Variants in CSMD3 observed in about 807,000 individuals in gnomAD.
CSMD3 encodes the protein CUB and Sushi multiple domains 3, also known as CUB and sushi domain-containing protein 3.
CSMD3 carries 177 observed loss-of-function variants against 435.2 expected under a neutral mutation model. That is an observed-to-expected ratio of 0.41 (90% CI 0.36 to 0.46). CSMD3 has a LOEUF of 0.46. CSMD3 is among the 20% of genes least tolerant of loss of function. The pLI is 0.34. For synonymous variants in CSMD3, 1,656 were observed against 1,520.5 expected (o/e 1.09, Z -2.07); for missense variants, 4,265 against 4,504.6 (o/e 0.95, Z 1.52).
chr8:112,224,947 T>A lies in CSMD3; in HGVS notation c.10965-17A>T, dbSNP rs771150306. On this transcript the variant is annotated splice_polypyrimidine_tract_variant and intron_variant, in intron 70 of 70. Coordinates refer to ENST00000297405, the MANE Select transcript of CSMD3 (RefSeq NM_198123.2). ...GGTGCAGTCCTGTTGATGAGAACATTGATTAGCTATGTGTTAACTTTCTTC... is the reference window on the plus strand; with the variant it reads ...GGTGCAGTCCTGTTGATGAGAACATAGATTAGCTATGTGTTAACTTTCTTC... 1 of 1,611,562 alleles carries A rather than the reference T, an allele frequency of 6.2e-7. No homozygotes were observed. Among genetic ancestry groups the A allele is most frequent in the Non-Finnish European group, 8.5e-7 (1 of 1,177,682 alleles).
intron 10 of CSMD3, among the ~76,000 whole-genome samples, chr8:112,882,804 A>G (rs1169033831): frequency 6.6e-6 from 1 of 152,030 alleles, no homozygotes; most frequent in Non-Finnish European, 1.5e-5. Context: ...GTTGAATGAC[A>G]CTTAAGAAAC....
intron 3 of CSMD3, among the ~76,000 whole-genome samples, chr8:113,228,155 G>A (rs990221894): frequency 2.6e-5 from 4 of 151,396 alleles, no homozygotes; most frequent in African/African-American, 9.7e-5. Context: ...TGGTCTTCAT[G>A]TTTTTAAATA....
chr8:113,149,204 T>C (rs1340985159), intron 4 of CSMD3, among the ~76,000 whole-genome samples: 1 of 151,868 alleles, frequency 6.6e-6, no homozygotes, highest in Non-Finnish European at 1.5e-5. Flanking sequence ...ATTCATATTA[T>C]ACAAACATCT....
intron 13 of CSMD3, among the ~76,000 whole-genome samples, chr8:112,767,236 C>T (rs1397527167): frequency 6.6e-6 from 1 of 151,692 alleles, no homozygotes. Flanking sequence ...GCCTCAGAAA[C>T]AATATTACAA....
rs549448482 is a variant in CSMD3 at position 113,108,284 on chromosome 8, G to A, written c.710-9321C>T. Among the ~76,000 whole-genome samples, 14 of 151,878 alleles carry A rather than the reference G, an allele frequency of 9.2e-5. No individual in the cohort carries two copies. The South Asian group carries it at 2.1e-3, about 23-fold the overall frequency. Reference sequence around the variant, plus strand: ...CTCTACTAAAAATATAAAAATTAGCGGGGCGTGGTGGCAGGTGCCTGTAGT... The same window carrying A: ...CTCTACTAAAAATATAAAAATTAGCAGGGCGTGGTGGCAGGTGCCTGTAGT... On this transcript the variant is annotated intron_variant, in intron 4 of 70. Transcript: ENST00000297405.
chr8:113,351,308 A>G (rs545444506), intron 1 of CSMD3, among the ~76,000 whole-genome samples: 1 of 152,306 alleles, frequency 6.6e-6, no homozygotes, highest in African/African-American at 2.4e-5. Flanking sequence ...AGTTCCTATA[A>G]AGGTAGACTA....
At chr8:113,139,309 T>A (rs2091491935) in intron 4 of CSMD3, among the ~76,000 whole-genome samples, 1 of 151,028 alleles carries the variant, frequency 6.6e-6, no homozygotes, top group African/African-American at 2.4e-5. Context: ...TTACCTTGAA[T>A]TTTTTAAATT....
At chr8:113,393,356 A>G (rs2094469759) in intron 1 of CSMD3, among the ~76,000 whole-genome samples, 1 of 152,144 alleles carries the variant, frequency 6.6e-6, no homozygotes, top group Non-Finnish European at 1.5e-5. Context: ...TGAATTCTGA[A>G]GATATAAAAG....
intron 1 of CSMD3, among the ~76,000 whole-genome samples, chr8:113,341,301 A>G (rs2094117164): frequency 6.6e-6 from 1 of 152,134 alleles, no homozygotes; most frequent in Non-Finnish European, 1.5e-5. Context: ...AGAGTACTAG[A>G]GCTTACTCCT....
intron 46 of CSMD3, among the ~76,000 whole-genome samples, chr8:112,319,657 C>T (rs1034909889): frequency 5.9e-5 from 9 of 152,192 alleles, no homozygotes; most frequent in Non-Finnish European, 1.3e-4. Context: ...ATACAGTTAA[C>T]GGCTTCAAAT....
At chr8:112,525,427 T>TGAGAATTCC in intron 27 of CSMD3, among the ~76,000 whole-genome samples, 1 of 150,252 alleles carries the variant, frequency 6.7e-6, no homozygotes, top group Non-Finnish European at 1.5e-5. Flanking sequence ...CAATTAAAAA[T>TGAGAATTCC]AACTATCAAA....
intron 27 of CSMD3, among the ~76,000 whole-genome samples, chr8:112,540,422 C>T (rs1414088309): frequency 1.3e-5 from 2 of 152,090 alleles, no homozygotes; most frequent in East Asian, 3.9e-4. Context: ...CCAGCATTAC[C>T]ATTGCCGGGT....
At chr8:112,335,252 A>G (rs2130945475) in intron 45 of CSMD3, 77 bp downstream of exon 45, 2 of 1,358,554 alleles carry the variant, frequency 1.5e-6, no homozygotes, top group Non-Finnish European at 2.1e-6. Context: ...CATTGGTTAA[A>G]TATATATTAC....
At chr8:112,585,143 A>C (rs1211007638) in intron 23 of CSMD3, among the ~76,000 whole-genome samples, 2 of 151,600 alleles carry the variant, frequency 1.3e-5, no homozygotes, top group Non-Finnish European at 3.0e-5. Flanking sequence ...TTCACCCTAA[A>C]TTGTCTCTAT....
chr8:112,622,550 T>C (rs1442961020), intron 22 of CSMD3, among the ~76,000 whole-genome samples: 1 of 152,170 alleles, frequency 6.6e-6, no homozygotes, highest in Non-Finnish European at 1.5e-5. Flanking sequence ...GACCGAACAA[T>C]GATGAATGTT....
intron 32 of CSMD3, among the ~76,000 whole-genome samples, chr8:112,411,044 T>C (rs1811281279): frequency 6.7e-6 from 1 of 150,306 alleles, no homozygotes; most frequent in Admixed American, 6.7e-5. Context: ...CAAACCACTA[T>C]ATTTACAAAC....
intron 1 of CSMD3, among the ~76,000 whole-genome samples, chr8:113,409,576 A>G (rs533261425): frequency 6.6e-6 from 1 of 152,318 alleles, no homozygotes; most frequent in Admixed American, 6.5e-5. Context: ...AAATAGATTT[A>G]TTTTAATCAA....
chr8:112,976,300 C>G, intron 6 of CSMD3, 152 bp from the exon 7 acceptor site: 4 of 860,850 alleles, frequency 4.6e-6, no homozygotes, highest in Non-Finnish European at 7.2e-6. Context: ...AATTGTGAAG[C>G]GCACTAGATC....
intron 8 of CSMD3, among the ~76,000 whole-genome samples, chr8:112,951,424 A>T (rs1202676575): frequency 6.6e-6 from 1 of 151,782 alleles, no homozygotes; most frequent in Non-Finnish European, 1.5e-5. Context: ...GTGGACTCTG[A>T]CTAAAATTCA....
Sources: allele counts gnomAD v4.1 joint callset (sites outside exome capture counted in the v4.1 genomes callset), GRCh38; gene constraint gnomAD v4.1.1; transcripts MANE v1.5; gene names NCBI Gene and HGNC (gene_info 2026-07-23, HGNC 2026-07-21).